RTTN: variants seen among roughly 807,000 people sequenced by gnomAD.
The protein encoded by RTTN is rotatin.
Under a neutral mutation model 269.2 loss-of-function variants are expected in RTTN, and 182 were observed. The observed-to-expected ratio is 0.68, with a 90% CI of 0.60 to 0.76. The LOEUF is 0.76. Ranked by LOEUF, RTTN falls within the 30% of genes least tolerant of loss-of-function variation. The pLI, the probability that RTTN is intolerant of heterozygous loss-of-function variation, is 0.00. For missense variants in RTTN, 2,545 were observed against 2,608.6 expected (o/e 0.98, Z 0.53); for synonymous variants, 1,006 against 963.5 (o/e 1.04, Z -0.82).
At chr18:70,008,555 A>G (rs1286715167) in intron 46 of RTTN, 1 of 152,064 alleles carries the variant, frequency 6.6e-6, no homozygotes, top group African/African-American at 2.4e-5. Context: ...TTTAAAGAAG[A>G]ACATAAATGA....
Position 70,140,125 on chromosome 18 carries a change from T to C in RTTN, c.2645A>G (p.Asn882Ser), listed in dbSNP as rs1026825388. The C allele has an allele frequency of 1.2e-5, 19 of 1,598,422 alleles. No individual in the cohort carries two copies. The highest frequency in any genetic ancestry group is 1.5e-5 in the Non-Finnish European group (18 of 1,166,378). Residue 882 changes from asparagine to serine, a missense_variant, in exon 20 of 49, where the codon AAT becomes AGT. Transcript: ENST00000640769. ...CLIDKIIEYL[N>S]ECVSQDGKVV... is the part of the protein sequence containing the mutation. Reference sequence around the variant, plus strand: ...CTTGCCATCTTGACTCACACATTCATTTAAATACTCAATTATTTTGTCAAT... The same window carrying C: ...CTTGCCATCTTGACTCACACATTCACTTAAATACTCAATTATTTTGTCAAT...
intron 6 of RTTN, 133 bp from the exon 7 acceptor site, chr18:70,196,781 T>G (rs2061820570): frequency 1.2e-6 from 1 of 815,898 alleles, no homozygotes; most frequent in Non-Finnish European, 1.9e-6. Context: ...TTGTAAGACA[T>G]AAGAAACTGA....
intron 47 of RTTN, 25 bp downstream of exon 47, chr18:70,006,356 T>A: frequency 6.5e-7 from 1 of 1,538,966 alleles, no homozygotes. Context: ...GCTCCCCAGG[T>A]GTAACAATGA....
chr18:70,082,585 T>C (rs190483161), intron 32 of RTTN, among the ~76,000 whole-genome samples: 2 of 152,228 alleles, frequency 1.3e-5, no homozygotes, highest in South Asian at 4.1e-4. Flanking sequence ...CTAGTCAGAC[T>C]GTGGGAAACT....
chr18:70,189,299 G>C (rs1254195869), intron 9 of RTTN, among the ~76,000 whole-genome samples: 2 of 152,088 alleles, frequency 1.3e-5, no homozygotes, highest in African/African-American at 4.8e-5. Context: ...GTTTTCCTCA[G>C]GATAAAAACA....
In RTTN at chr18:70,074,005, G is replaced by T; in HGVS notation, c.4565-11C>A. On this transcript the variant is annotated splice_polypyrimidine_tract_variant and intron_variant, in intron 33 of 48. Coordinates refer to ENST00000640769, the MANE Select transcript of RTTN (RefSeq NM_173630.4). The stretch of plus-strand genomic sequence containing the variant: ...ATGAGTCATCTAAACCTGCAACAAC[G>T]AGAAAATTGTTAACATGGACACCCT... 1.3e-6 allele frequency: 2 copies of T among 1,590,852 alleles called. No homozygotes were observed. Among genetic ancestry groups the T allele is most frequent in the South Asian group, 1.1e-5 (1 of 90,498 alleles).
chr18:70,115,630 ATTGT>A (rs1265375400), intron 26 of RTTN, among the ~76,000 whole-genome samples: 1 of 151,980 alleles, frequency 6.6e-6, no homozygotes, highest in Non-Finnish European at 1.5e-5. Flanking sequence ...AGGTTAAATA[ATTGT>A]CTAAGTCTTA....
At chr18:70,104,495 C>T (rs2059267049) in intron 28 of RTTN, among the ~76,000 whole-genome samples, 1 of 152,242 alleles carries the variant, frequency 6.6e-6, no homozygotes, top group South Asian at 2.1e-4. Flanking sequence ...CTTCTCTCAA[C>T]TCGTCAAAGT....
intron 44 of RTTN, among the ~76,000 whole-genome samples, chr18:70,022,406 G>A (rs1432930108): frequency 6.6e-6 from 1 of 151,554 alleles, no homozygotes; most frequent in Admixed American, 6.6e-5. Flanking sequence ...TCTCAGGCTG[G>A]GCTCTTACCT....
chr18:70,107,009 G>T (rs1486946086), intron 28 of RTTN, among the ~76,000 whole-genome samples: 1 of 152,204 alleles, frequency 6.6e-6, no homozygotes, highest in Admixed American at 6.5e-5. Context: ...GATTCAGACA[G>T]TTTATTACCT....
intron 10 of RTTN, among the ~76,000 whole-genome samples, chr18:70,182,781 T>C (rs2061449128): frequency 6.6e-6 from 1 of 152,196 alleles, no homozygotes; most frequent in Non-Finnish European, 1.5e-5. Context: ...ACATGTTGAT[T>C]ACTCATGCAA....
At position 70,017,628 on chromosome 18, in the gene RTTN, C is replaced by T. The variant is rs757034833; in HGVS notation, c.6200G>A (p.Gly2067Glu). The T allele has an allele frequency of 6.2e-7, 1 of 1,613,658 alleles. No homozygotes were observed. The highest frequency in any genetic ancestry group is 8.5e-7 in the Non-Finnish European group (1 of 1,179,672). ...AGTCAGATTACTTAGATGTTTATTT[C>T]CTCCTTTTGGCAATGCTAGAGAGAG... ...NFLSLALPKG[G>E]NKHLSNLTIL... The change falls in exon 46 of 49, where the codon GGA becomes GAA. Residue 2067 changes from glycine (G) to glutamate (E), a missense_variant. By Grantham distance (98) the Gly-to-Glu change is moderately conservative. Transcript: ENST00000640769.
rs529393236 is a variant in RTTN at position 70,057,853 on chromosome 18, A to C, written c.4941-21T>G. The C allele has an allele frequency of 7.4e-5, 116 of 1,562,850 alleles. No individual in the cohort carries two copies. The South Asian group carries it at 1.1e-3, about 15-fold the overall frequency. On this transcript the variant is annotated intron_variant, in intron 36 of 48. Transcript: ENST00000640769. ...CAATGCTGTGACGATCAGAAAAAGAAAATCCTTCAGAAGATTAGTATACTT... is the reference window on the plus strand; with the variant it reads ...CAATGCTGTGACGATCAGAAAAAGACAATCCTTCAGAAGATTAGTATACTT...
At chr18:70,110,711 G>A (rs2059442097) in intron 27 of RTTN, among the ~76,000 whole-genome samples, 1 of 152,202 alleles carries the variant, frequency 6.6e-6, no homozygotes, top group Non-Finnish European at 1.5e-5. Context: ...CGAGACAGAA[G>A]TGTTCACTCC....
chr18:70,148,980 T>C lies in RTTN; in HGVS notation c.2230A>G (p.Ser744Gly). Reference protein sequence around the residue: ...GNCILLLSKASSDTEEMLPCT... With the variant: ...GNCILLLSKAGSDTEEMLPCT... ...GGAAGCATCTCTTCTGTGTCAGAAC[T>C]TGCTTTGCTTAGAAGGAGAATGCAG... is the stretch of plus-strand genomic sequence containing the variant. The change falls in exon 17 of 49, where the codon AGT (serine) becomes GGT (glycine). Residue 744 changes from serine (S) to glycine (G), a missense_variant. Physicochemically the swap from Ser to Gly is moderately conservative, Grantham distance 56 (BLOSUM62 0). Coordinates refer to ENST00000640769, the MANE Select transcript of RTTN (RefSeq NM_173630.4). 6.2e-7 allele frequency: 1 copy of C among 1,613,612 alleles called. No homozygotes were observed. The highest frequency in any genetic ancestry group is 8.5e-7 in the Non-Finnish European group (1 of 1,179,620).
At chr18:70,113,563 G>A (rs1012315481) in intron 27 of RTTN, among the ~76,000 whole-genome samples, 1 of 152,106 alleles carries the variant, frequency 6.6e-6, no homozygotes, top group Admixed American at 6.6e-5. Flanking sequence ...CAAGAGAACT[G>A]AAACACATGT....
chr18:70,075,702 A>G (rs1599406647), intron 32 of RTTN, among the ~76,000 whole-genome samples, 161 bp from the exon 33 acceptor site: 1 of 152,218 alleles, frequency 6.6e-6, no homozygotes, highest in Non-Finnish European at 1.5e-5. Context: ...CTGACCTAGG[A>G]CAAATTATTC....
chr18:70,124,559 A>C (rs1441558008), intron 25 of RTTN, among the ~76,000 whole-genome samples: 2 of 152,070 alleles, frequency 1.3e-5, no homozygotes, highest in African/African-American at 4.8e-5. Flanking sequence ...ATAAAACAGA[A>C]GTGTATGCCC....
chr18:70,160,189 A>C lies in RTTN; in HGVS notation c.1929+5873T>G, dbSNP rs114843925. 4.0e-3 allele frequency among the ~76,000 whole-genome samples: 610 copies of C among 152,054 alleles called. 8 individuals are homozygous for C. The highest frequency in any genetic ancestry group is 0.014 in the African/African-American group (573 of 41,474). ...CATAAATGTAAAAATTCTCAACAAAATATTGGTATACTGAAACCAGCAGGA... is the reference window on the plus strand; with the variant it reads ...CATAAATGTAAAAATTCTCAACAAACTATTGGTATACTGAAACCAGCAGGA... On this transcript the variant is annotated intron_variant, in intron 14 of 48. Transcript: ENST00000640769.
Sources: gnomAD v4.1 joint callset for allele counts (sites outside exome capture counted in the v4.1 genomes callset) on GRCh38, gnomAD v4.1.1 for gene constraint, MANE v1.5 for transcripts, NCBI Gene and HGNC (gene_info 2026-07-23, HGNC 2026-07-21) for gene names.